Variants in STK31 observed in about 807,000 individuals in gnomAD.
STK31 encodes serine/threonine kinase 31, also known as serine/threonine-protein kinase 31.
A neutral mutation model predicts 129.7 loss-of-function variants in STK31; 89 were observed. That is an observed-to-expected ratio of 0.69 (90% CI 0.58 to 0.82). The LOEUF (loss-of-function observed/expected upper bound fraction) is 0.82, where lower values mean the gene tolerates loss of function less well. Ranked by LOEUF, STK31 falls within the 40% of genes least tolerant of loss-of-function variation. The pLI is 0.00. For synonymous variants in STK31, 448 were observed against 395.3 expected, an observed-to-expected ratio of 1.13 and a Z score of -1.58; for missense variants, 1,187 against 1,176.4, an observed-to-expected ratio of 1.01 and a Z score of -0.13.
At chr7:23,714,813 G>A (rs1190241453) in intron 3 of STK31, among the ~76,000 whole-genome samples, 1 of 152,042 alleles carries the variant, frequency 6.6e-6, no homozygotes, top group Non-Finnish European at 1.5e-5. Context: ...CAGATGATGA[G>A]TATTTTACCA....
chr7:23,728,208 A>C (rs950803685), intron 5 of STK31, among the ~76,000 whole-genome samples: 1 of 150,084 alleles, frequency 6.7e-6, no homozygotes, highest in African/African-American at 2.5e-5. Context: ...GCACCTCTGT[A>C]AGATTTCCTT....
chr7:23,738,845 C>G (rs1009637192), intron 8 of STK31, among the ~76,000 whole-genome samples: 1 of 152,152 alleles, frequency 6.6e-6, no homozygotes, highest in Admixed American at 6.5e-5. Context: ...GCCACTGTGC[C>G]CAGCCCACAT....
intron 4 of STK31, among the ~76,000 whole-genome samples, chr7:23,724,245 C>G (rs1381020618): frequency 6.6e-6 from 1 of 152,140 alleles, no homozygotes; most frequent in African/African-American, 2.4e-5. Flanking sequence ...TTGTTTGTGC[C>G]AGTACCTTAT....
intron 15 of STK31, among the ~76,000 whole-genome samples, chr7:23,774,613 A>G (rs1239947530): frequency 6.6e-6 from 1 of 152,076 alleles, no homozygotes; most frequent in Non-Finnish European, 1.5e-5. Flanking sequence ...TCCTTTGCCC[A>G]CTTTTTGATG....
At chr7:23,745,263 A>T (rs1257185526) in intron 8 of STK31, among the ~76,000 whole-genome samples, 2 of 151,924 alleles carry the variant, frequency 1.3e-5, no homozygotes, top group Non-Finnish European at 2.9e-5. Flanking sequence ...GACACTGGTG[A>T]GAGGGGTTAT....
rs750686534 is a variant in STK31 at position 23,735,631 on chromosome 7, G to C, written c.577G>C (p.Glu193Gln). ...SEDGTVIAQAEYGSVDIGEEV... is the reference protein window; with the variant it reads ...SEDGTVIAQAQYGSVDIGEEV... ...AGATGGAACAGTTATTGCTCAGGCT[G>C]AGTATGGCAGTGTGGATATAGGGGA... Residue 193 changes from glutamate (E) to glutamine (Q), a missense_variant, in exon 7 of 24, where the codon GAG (glutamate) becomes CAG (glutamine). Physicochemically the swap from Glu to Gln is conservative, Grantham distance 29. Around this residue, in one of 5 missense-constraint regions of STK31, gnomAD observed 103 missense variants for 110.4 expected, o/e 0.93. Coordinates refer to ENST00000355870, the MANE Select transcript of STK31 (RefSeq NM_031414.5). 5 of 1,614,106 alleles carry C rather than the reference G, an allele frequency of 3.1e-6. No individual in the cohort carries two copies. Among genetic ancestry groups the C allele is most frequent in the Non-Finnish European group, 4.2e-6 (5 of 1,180,020 alleles).
intron 12 of STK31, 43 bp downstream of exon 12, chr7:23,769,217 G>T: frequency 6.8e-7 from 1 of 1,464,908 alleles, no homozygotes; most frequent in South Asian, 1.6e-5. Context: ...GCATAAACCA[G>T]GGAATATATA....
rs66962254 is a variant in STK31 at position 23,782,471 on chromosome 7, C to CAAAA, written c.2067+969_2067+972dup. On this transcript the variant is annotated intron_variant, in intron 16 of 23. Transcript: ENST00000355870. ...TGGGCAACAGAGCAAGACCCTGTCT[C>CAAAA]AAAAAAAAAAAAAAAAAAAAAGAAA... 3.1e-3 allele frequency among the ~76,000 whole-genome samples: 259 copies of CAAAA among 84,046 alleles called. 1 individual carries two copies. The highest frequency in any genetic ancestry group is 4.7e-3 in the East Asian group (14 of 2,982). 55.1% of individuals were successfully genotyped at this position (84,046 alleles called of 152,430 possible). A position where few individuals can be genotyped will look rare whatever the true frequency, so the allele number is the denominator to read the frequency against.
chr7:23,746,459 A>G (rs1309159292), intron 8 of STK31, among the ~76,000 whole-genome samples: 1 of 151,986 alleles, frequency 6.6e-6, no homozygotes. Flanking sequence ...TCTCTCTTAG[A>G]TGATCTATTT....
chr7:23,796,232 T>A (rs74419475), intron 22 of STK31, among the ~76,000 whole-genome samples: 1 of 152,278 alleles, frequency 6.6e-6, no homozygotes, highest in South Asian at 2.1e-4. Context: ...TATGCCTGCA[T>A]GTATATTTAA....
At chr7:23,754,132 A>G (rs1206664503) in intron 9 of STK31, among the ~76,000 whole-genome samples, 183 bp from the exon 10 acceptor site, 4 of 152,190 alleles carry the variant, frequency 2.6e-5, no homozygotes, top group African/African-American at 4.8e-5. Flanking sequence ...GCATGTCTGC[A>G]TAAAAATATG....
Position 23,754,391 on chromosome 7 carries a change from A to G in STK31, c.1210A>G (p.Thr404Ala). Residue 404 changes from threonine to alanine, a missense_variant, in exon 10 of 24, where the codon ACT becomes GCT. Physicochemically the swap from Thr to Ala is moderately conservative, Grantham distance 58 (BLOSUM62 0). Coordinates refer to ENST00000355870, the MANE Select transcript of STK31 (RefSeq NM_031414.5). ...IQVLDEGCFT[T>A]PASLNGLEII... Reference sequence around the variant, plus strand: ...AGTGTTGGATGAAGGGTGCTTTACTACTCCAGCTTCTTTGAATGGATTAGA... The same window carrying G: ...AGTGTTGGATGAAGGGTGCTTTACTGCTCCAGCTTCTTTGAATGGATTAGA... The G allele has an allele frequency of 1.2e-6, 2 of 1,613,996 alleles. No homozygotes were observed. The highest frequency in any genetic ancestry group is 1.7e-6 in the Non-Finnish European group (2 of 1,179,956).
At chr7:23,720,135 G>C (rs1433301551) in intron 4 of STK31, among the ~76,000 whole-genome samples, 1 of 152,052 alleles carries the variant, frequency 6.6e-6, no homozygotes, top group Admixed American at 6.5e-5. Flanking sequence ...GTGATATTAA[G>C]TACAAAATGA....
intron 6 of STK31, among the ~76,000 whole-genome samples, chr7:23,730,876 ATAT>A (rs1252458123): frequency 6.2e-4 from 37 of 59,956 alleles, no homozygotes; most frequent in South Asian, 1.8e-3. Flanking sequence ...ATATATATAT[ATAT>A]TTTTTTTTTT....
rs1258137391 is a variant in STK31, at chr7:23,802,570, C to T, written c.2760+11624C>T. Among the ~76,000 whole-genome samples, 4 of 152,236 alleles carry T rather than the reference C, an allele frequency of 2.6e-5. No individual in the cohort carries two copies. In the East Asian group the frequency reaches 7.7e-4, roughly 29 times the overall value. On this transcript the variant is annotated intron_variant, in intron 22 of 23. Coordinates refer to ENST00000355870, the MANE Select transcript of STK31 (RefSeq NM_031414.5). ...ACTCTGTCACCCAGGCTGGAGTGTA[C>T]TGGCACAATCTTGGCTCACTGCAAC...
rs1168298435 is a variant in STK31, at chr7:23,826,169, T to C, written c.2830-5967T>C. 2.0e-5 allele frequency among the ~76,000 whole-genome samples: 3 copies of C among 152,090 alleles called. 1 individual carries two copies. Among genetic ancestry groups the C allele is most frequent in the South Asian group, 4.1e-4 (2 of 4,826 alleles). Reference sequence around the variant, plus strand: ...GGATATCCTTGTTAACTTTCTGTCTTGTTGGTCTGCCTAATGTTGACAGTG... The same window carrying C: ...GGATATCCTTGTTAACTTTCTGTCTCGTTGGTCTGCCTAATGTTGACAGTG... On this transcript the variant is annotated intron_variant, in intron 23 of 23. Transcript: ENST00000355870.
At chr7:23,715,193 C>A (rs1786228368) in intron 3 of STK31, among the ~76,000 whole-genome samples, 1 of 121,852 alleles carries the variant, frequency 8.2e-6, no homozygotes, top group Non-Finnish European at 1.7e-5. Context: ...AAAATCTGCT[C>A]ACGTGTATTC....
intron 6 of STK31, among the ~76,000 whole-genome samples, chr7:23,733,446 G>A (rs1235488472): frequency 2.1e-5 from 3 of 145,710 alleles, no homozygotes; most frequent in African/African-American, 7.6e-5. Flanking sequence ...AGCATATGTA[G>A]TTTGAGTCTC....
At chr7:23,794,912 GAT>G (rs1791861502) in intron 22 of STK31, among the ~76,000 whole-genome samples, 1 of 152,148 alleles carries the variant, frequency 6.6e-6, no homozygotes, top group African/African-American at 2.4e-5. Flanking sequence ...TAATCACAAA[GAT>G]ATGGTTTGGA....
Sources: gnomAD v4.1 joint callset for allele counts (sites outside exome capture counted in the v4.1 genomes callset) on GRCh38, gnomAD v4.1.1 for gene constraint, gnomAD v4.1.1 regional missense constraint, MANE v1.5 for transcripts, NCBI Gene and HGNC (gene_info 2026-07-23, HGNC 2026-07-21) for gene names.